The following MARK3 variants were observed in gnomAD, a reference collection of about 807,000 sequenced individuals.
The protein encoded by MARK3 is MAP/microtubule affinity-regulating kinase 3.
In MARK3, 46 loss-of-function variants were observed where a neutral mutation model predicts 90.1. That is an observed-to-expected ratio of 0.51 (90% CI 0.40 to 0.65). The LOEUF (loss-of-function observed/expected upper bound fraction) is 0.65. Ranked by LOEUF, MARK3 falls within the 30% of genes least tolerant of loss-of-function variation. The pLI is 0.00. For missense variants in MARK3, 818 were observed against 947.2 expected (o/e 0.86, Z 1.79); for synonymous variants, 321 against 332.6 (o/e 0.97, Z 0.38).
At chr14:103,477,491 C>CA (rs1566915823) in intron 13 of MARK3, among the ~76,000 whole-genome samples, 1 of 149,528 alleles carries the variant, frequency 6.7e-6, no homozygotes, top group East Asian at 1.9e-4. Context: ...GACTCCATCT[C>CA]AAAAAATAAA....
chr14:103,493,173 C>T (rs1484222671), intron 15 of MARK3, among the ~76,000 whole-genome samples: 1 of 149,576 alleles, frequency 6.7e-6, no homozygotes, highest in African/African-American at 2.5e-5. Context: ...TCATCTGAAA[C>T]TTCGGTGAGT....
intron 6 of MARK3, 104 bp downstream of exon 6, chr14:103,457,316 G>T (rs532631798): frequency 7.5e-6 from 6 of 797,382 alleles, no homozygotes; most frequent in Non-Finnish European, 1.2e-5. Flanking sequence ...AGGCCTGTTG[G>T]ATGGCAGGGG....
At chr14:103,423,538 A>G (rs1458586370) in intron 2 of MARK3, among the ~76,000 whole-genome samples, 1 of 152,098 alleles carries the variant, frequency 6.6e-6, no homozygotes, top group African/African-American at 2.4e-5. Context: ...ACTGGAATAA[A>G]GGGGTGGTCT....
intron 1 of MARK3, among the ~76,000 whole-genome samples, chr14:103,404,685 C>G (rs941557126): frequency 6.6e-6 from 1 of 152,126 alleles, no homozygotes; most frequent in Admixed American, 6.6e-5. Context: ...TGGCTGTATC[C>G]TTATCTAGTG....
At chr14:103,454,214 C>A (rs984524881) in intron 5 of MARK3, among the ~76,000 whole-genome samples, 6 of 151,700 alleles carry the variant, frequency 4.0e-5, no homozygotes, top group African/African-American at 9.7e-5. Context: ...AGCCTTTAAT[C>A]ATTTAATCGA....
chr14:103,470,453 C>CTTTTTTTTTTTTTTTTTTTTTTTTTTT (rs1555396272), intron 12 of MARK3, among the ~76,000 whole-genome samples: 2 of 24,180 alleles, frequency 8.3e-5, no homozygotes, highest in African/African-American at 1.2e-4. Context: ...GGAACTAAAT[C>CTTTTTTTTTTTTTTTTTTTTTTTTTTT]TATTTTTTTT....
intron 16 of MARK3, 34 bp from the exon 17 acceptor site, chr14:103,500,122 C>T: frequency 6.3e-7 from 1 of 1,577,194 alleles, no homozygotes; most frequent in Non-Finnish European, 8.7e-7. Context: ...TTCTCTTTCC[C>T]TCTTCTCTCT....
At chr14:103,431,233 AG>A (rs2092572334) in intron 3 of MARK3, among the ~76,000 whole-genome samples, 1 of 152,130 alleles carries the variant, frequency 6.6e-6, no homozygotes, top group Admixed American at 6.5e-5. Context: ...CTAGGACTAC[AG>A]GTGTACGCCA....
intron 14 of MARK3, chr14:103,491,231 T>C (rs2094010201): frequency 3.0e-6 from 2 of 659,744 alleles, no homozygotes; most frequent in Non-Finnish European, 4.3e-6. Context: ...CTCCATGTGA[T>C]TTTAGTTAAG....
intron 2 of MARK3, among the ~76,000 whole-genome samples, chr14:103,413,125 C>T (rs2091756159): frequency 1.3e-5 from 2 of 152,222 alleles, no homozygotes; most frequent in South Asian, 2.1e-4. Flanking sequence ...CCACCCGCCT[C>T]GGCCTCCCAA....
At chr14:103,471,694 G>A (rs904928690) in intron 12 of MARK3, among the ~76,000 whole-genome samples, 7 of 151,686 alleles carry the variant, frequency 4.6e-5, no homozygotes, top group African/African-American at 1.2e-4. Flanking sequence ...GTCCTTCCTC[G>A]TTTGAGACCC....
In MARK3 at chr14:103,503,315, C is replaced by T. The variant is rs2075772657; in HGVS notation, c.*88C>T. The T allele has an allele frequency of 4.4e-6, 5 of 1,136,908 alleles. No individual in the cohort carries two copies. The highest frequency in any genetic ancestry group is 6.2e-6 in the Non-Finnish European group (5 of 801,040). The allele number at this position is 1,136,908 out of a possible 1,614,324, so 70.4% of individuals were successfully genotyped here. ...GTATAGAATAATATTTAGGCAATAA[C>T]GTCTGCATCTTCTAAATCATGAAAT... On this transcript the variant is annotated 3_prime_UTR_variant, in exon 18 of 18. Transcript: ENST00000429436.
intron 1 of MARK3, among the ~76,000 whole-genome samples, chr14:103,390,964 G>A (rs928086210): frequency 6.6e-6 from 1 of 152,180 alleles, no homozygotes; most frequent in Admixed American, 6.5e-5. Flanking sequence ...TCCTGTCCCA[G>A]CCTCCCAAAG....
chr14:103,467,245 TA>T, intron 11 of MARK3, 54 bp downstream of exon 11: 2 of 797,624 alleles, frequency 2.5e-6, no homozygotes, highest in South Asian at 1.9e-5. Context: ...TTAGTTTATA[TA>T]AACTGTTTTC....
chr14:103,502,741 A>G (rs1010412432), intron 17 of MARK3, 141 bp from the exon 18 acceptor site: 9 of 650,786 alleles, frequency 1.4e-5, no homozygotes, highest in South Asian at 2.0e-5. Context: ...AGACTTAGTT[A>G]CAAATGTGAG....
chr14:103,461,351 G>A (rs1399700335), intron 6 of MARK3, among the ~76,000 whole-genome samples: 2 of 152,120 alleles, frequency 1.3e-5, no homozygotes, highest in Non-Finnish European at 2.9e-5. Flanking sequence ...ACCATATAAA[G>A]CTTTAATATT....
intron 17 of MARK3, among the ~76,000 whole-genome samples, chr14:103,501,258 G>A (rs1196047204): frequency 1.3e-5 from 2 of 152,220 alleles, no homozygotes; most frequent in African/African-American, 4.8e-5. Context: ...ACTAGGGTGA[G>A]TGCCAGGCAG....
intron 2 of MARK3, among the ~76,000 whole-genome samples, chr14:103,415,584 T>A (rs1278399851): frequency 6.6e-6 from 1 of 152,188 alleles, no homozygotes; most frequent in Non-Finnish European, 1.5e-5. Flanking sequence ...TATTTTGGTG[T>A]GAAATATTGC....
In MARK3 at chr14:103,491,928, C is replaced by G; in HGVS notation, c.1738C>G (p.Pro580Ala). ...ACGGCGAACCGCAACATATAATGGC[C>G]CTCCTGCCTCTCCCAGCCTGTCCCA... The part of the protein sequence containing the change: ...RERRTATYNG[P>A]PASPSLSHEA... The change falls in exon 15 of 18, where the codon CCT becomes GCT. Residue 580 changes from proline (P) to alanine (A), a missense_variant. Physicochemically the swap from Pro to Ala is conservative, Grantham distance 27. Coordinates refer to ENST00000429436, the MANE Select transcript of MARK3 (RefSeq NM_001128918.3). 6.2e-7 allele frequency: 1 copy of G among 1,614,148 alleles called. No individual in the cohort carries two copies. Among genetic ancestry groups the G allele is most frequent in the Non-Finnish European group, 8.5e-7 (1 of 1,180,036 alleles).
Sources: gnomAD v4.1 joint callset for allele counts (sites outside exome capture counted in the v4.1 genomes callset) on GRCh38, gnomAD v4.1.1 for gene constraint, MANE v1.5 for transcripts, NCBI Gene and HGNC (gene_info 2026-07-23, HGNC 2026-07-21) for gene names.